The following TRPC4 variants were observed in gnomAD, a reference collection of about 807,000 sequenced individuals.
The protein encoded by TRPC4 is transient receptor potential cation channel subfamily C member 4.
A neutral mutation model predicts 99.4 loss-of-function variants in TRPC4; 49 were observed. That is an observed-to-expected ratio of 0.49 (90% CI 0.39 to 0.63). The LOEUF is 0.63. Among genes scored for constraint, TRPC4 ranks in the 20% least tolerant of loss-of-function variants. The pLI is 0.00. For missense variants in TRPC4, 898 were observed against 1,152.9 expected (o/e 0.78, Z 3.20); for synonymous variants, 454 against 425.9 (o/e 1.07, Z -0.81).
At chr13:37,840,123 T>C (rs1387374711) in intron 1 of TRPC4, among the ~76,000 whole-genome samples, 1 of 152,132 alleles carries the variant, frequency 6.6e-6, no homozygotes, top group Non-Finnish European at 1.5e-5. Flanking sequence ...ATATATCAAA[T>C]TGAATATAAT....
intron 1 of TRPC4, among the ~76,000 whole-genome samples, chr13:37,790,590 A>G (rs920023766): frequency 2.6e-5 from 4 of 152,186 alleles, no homozygotes; most frequent in Non-Finnish European, 5.9e-5. Flanking sequence ...TTATTAAATA[A>G]GGTTACTTAT....
At chr13:37,687,107 T>G (rs1953508508) in intron 4 of TRPC4, among the ~76,000 whole-genome samples, 1 of 151,762 alleles carries the variant, frequency 6.6e-6, no homozygotes, top group Non-Finnish European at 1.5e-5. Flanking sequence ...TGGGACTACA[T>G]GTGCCTGCCA....
intron 10 of TRPC4, among the ~76,000 whole-genome samples, chr13:37,638,023 G>A (rs1272108750): frequency 2.0e-5 from 3 of 152,122 alleles, no homozygotes; most frequent in Non-Finnish European, 4.4e-5. Context: ...TGTCCAAAGG[G>A]ATGTCTGAAA....
intron 3 of TRPC4, among the ~76,000 whole-genome samples, chr13:37,723,806 C>T (rs557197908): frequency 2.6e-4 from 40 of 152,226 alleles, no homozygotes; most frequent in African/African-American, 8.4e-4. Flanking sequence ...CCTCCTGTCT[C>T]GGGCTCCCAA....
chr13:37,735,299 A>G lies in TRPC4; in HGVS notation c.897+10638T>C, dbSNP rs536770118. 3.5e-4 allele frequency among the ~76,000 whole-genome samples: 53 copies of G among 152,296 alleles called. 1 individual carries two copies. The South Asian group carries it at 0.01, about 29-fold the overall frequency. ...AATCAACAAAAGTTTCTTGCGAACT[A>G]TAACGTTTCAGTTTCATAAACTTCC... On this transcript the variant is annotated intron_variant, in intron 3 of 10. Coordinates refer to ENST00000379705, the MANE Select transcript of TRPC4 (RefSeq NM_016179.4).
chr13:37,795,303 AT>A (rs1472202232), intron 1 of TRPC4, among the ~76,000 whole-genome samples: 4 of 152,130 alleles, frequency 2.6e-5, no homozygotes, highest in Non-Finnish European at 5.9e-5. Flanking sequence ...CAACAGGTAA[AT>A]TTTGTGTATA....
chr13:37,866,712 G>A (rs1959768986), intron 1 of TRPC4, among the ~76,000 whole-genome samples: 1 of 151,666 alleles, frequency 6.6e-6, no homozygotes, highest in Non-Finnish European at 1.5e-5. Flanking sequence ...CGGGGTCAAT[G>A]CCTCTGGAAG....
intron 2 of TRPC4, among the ~76,000 whole-genome samples, chr13:37,764,982 G>A (rs1280188315): frequency 6.6e-6 from 1 of 150,592 alleles, no homozygotes; most frequent in Non-Finnish European, 1.5e-5. Context: ...GTCCTCTTCA[G>A]GCTTTGATGG....
chr13:37,845,818 C>T (rs1035759464), intron 1 of TRPC4, among the ~76,000 whole-genome samples: 1 of 152,104 alleles, frequency 6.6e-6, no homozygotes, highest in African/African-American at 2.4e-5. Context: ...ACAGGCATCT[C>T]AGTCACAGGT....
At chr13:37,762,444 A>G (rs1181510358) in intron 2 of TRPC4, among the ~76,000 whole-genome samples, 3 of 151,590 alleles carry the variant, frequency 2.0e-5, no homozygotes, top group Non-Finnish European at 4.4e-5. Context: ...ACTATTCACA[A>G]TAGCGAAGAC....
At position 37,637,599 on chromosome 13, in the gene TRPC4, G is replaced by A; in HGVS notation, c.2238C>T (p.Phe746=). 3 of 1,593,942 alleles carry A rather than the reference G, an allele frequency of 1.9e-6. No homozygotes were observed. Among genetic ancestry groups the A allele is most frequent in the Non-Finnish European group, 2.6e-6 (3 of 1,173,234 alleles). ...TTAGTAATCCCAGGACTTCAAAGCG[G>A]AAACTAGAAATGTCTTGCTTTAGTT... ...FKELKQDISS[F]RFEVLGLLRG... is the part of the protein sequence containing the mutation. The change falls in exon 11 of 11, where the codon TTC becomes TTT. Residue 746 remains phenylalanine, a synonymous_variant. Coordinates refer to ENST00000379705, the MANE Select transcript of TRPC4 (RefSeq NM_016179.4).
chr13:37,680,558 C>T (rs779140639), intron 4 of TRPC4, among the ~76,000 whole-genome samples: 11 of 152,324 alleles, frequency 7.2e-5, no homozygotes, highest in East Asian at 1.9e-4. Context: ...TCATCACAAT[C>T]GCTGCCATGA....
intron 4 of TRPC4, among the ~76,000 whole-genome samples, chr13:37,679,438 A>T (rs191162056): frequency 6.0e-4 from 92 of 152,268 alleles, no homozygotes; most frequent in African/African-American, 2.1e-3. Flanking sequence ...GTAACTATAA[A>T]TTTTTTACAT....
At chr13:37,789,685 C>CT (rs59029228) in intron 1 of TRPC4, among the ~76,000 whole-genome samples, 54,258 of 146,420 alleles carry the variant, frequency 0.37, 10,381 homozygotes, top group South Asian at 0.47. Flanking sequence ...TACTTTATTT[C>CT]TTTTTTTTTT....
At chr13:37,855,684 T>G (rs763844753) in intron 1 of TRPC4, among the ~76,000 whole-genome samples, 1 of 151,924 alleles carries the variant, frequency 6.6e-6, no homozygotes, top group Non-Finnish European at 1.5e-5. Context: ...GCAAGCATCT[T>G]CTTTCATCAC....
intron 3 of TRPC4, among the ~76,000 whole-genome samples, chr13:37,701,772 G>T (rs1032898269): frequency 6.6e-6 from 1 of 152,054 alleles, no homozygotes; most frequent in African/African-American, 2.4e-5. Flanking sequence ...TATGAATAAG[G>T]ACTTCACTGA....
chr13:37,853,377 T>A (rs1028127769), intron 1 of TRPC4, among the ~76,000 whole-genome samples: 6 of 152,160 alleles, frequency 3.9e-5, no homozygotes, highest in African/African-American at 1.4e-4. Flanking sequence ...CCTACAAGTC[T>A]GCAAAAATTT....
intron 3 of TRPC4, among the ~76,000 whole-genome samples, chr13:37,745,471 T>TACAC (rs1242035632): frequency 1.9e-3 from 9 of 4,650 alleles, no homozygotes; most frequent in African/African-American, 3.0e-3. Flanking sequence ...TATATATATA[T>TACAC]ATACACACAC....
chr13:37,685,999 A>T (rs1953460751), intron 4 of TRPC4, among the ~76,000 whole-genome samples: 1 of 152,128 alleles, frequency 6.6e-6, no homozygotes, highest in Admixed American at 6.5e-5. Context: ...TAAAATATCC[A>T]TTTTAAATTA....
Sources: allele counts gnomAD v4.1 joint callset (sites outside exome capture counted in the v4.1 genomes callset), GRCh38; gene constraint gnomAD v4.1.1; transcripts MANE v1.5; gene names NCBI Gene and HGNC (gene_info 2026-07-23, HGNC 2026-07-21).